The following CAMTA1 variants were observed in gnomAD, a reference collection of about 807,000 sequenced individuals.
CAMTA1 encodes calmodulin binding transcription activator 1.
In CAMTA1, 27 loss-of-function variants were observed where a neutral mutation model predicts 170.9. The ratio of observed to expected loss-of-function variants is 0.16; its 90% CI spans 0.12 to 0.22. The LOEUF (loss-of-function observed/expected upper bound fraction) is 0.22, where lower values mean the gene tolerates loss of function less well. Among genes scored for constraint, CAMTA1 ranks in the 10% least tolerant of loss-of-function variants. The probability of loss-of-function intolerance (pLI) is 1.00; values close to 1 mark genes in which losing one functional copy is unlikely to be tolerated. For missense variants in CAMTA1, 1,619 were observed against 2,217.2 expected, an observed-to-expected ratio of 0.73 and a Z score of 5.42; for synonymous variants, 833 against 891.5, an observed-to-expected ratio of 0.93 and a Z score of 1.17.
intron 4 of CAMTA1, among the ~76,000 whole-genome samples, chr1:7,145,541 G>C (rs1347558727): frequency 1.3e-5 from 2 of 152,194 alleles, no homozygotes; most frequent in Non-Finnish European, 2.9e-5. Context: ...GGGTGACTTG[G>C]GAATGAGCTG....
At chr1:6,960,109 T>C (rs536606801) in intron 3 of CAMTA1, among the ~76,000 whole-genome samples, 1 of 152,374 alleles carries the variant, frequency 6.6e-6, no homozygotes, top group South Asian at 2.1e-4. Context: ...TGACCTTGAC[T>C]GTTATTCTAT....
intron 3 of CAMTA1, among the ~76,000 whole-genome samples, chr1:7,083,330 C>G (rs1640279915): frequency 6.6e-6 from 1 of 152,202 alleles, no homozygotes; most frequent in African/African-American, 2.4e-5. Flanking sequence ...AGCTACGTTG[C>G]ATTCCATGCA....
chr1:7,139,609 T>A (rs1469830748), intron 4 of CAMTA1, among the ~76,000 whole-genome samples: 1 of 152,140 alleles, frequency 6.6e-6, no homozygotes, highest in Non-Finnish European at 1.5e-5. Flanking sequence ...CAGTTTTCCC[T>A]TTCCTCCTGT....
rs1186156414 is a variant in CAMTA1, at chr1:7,631,811, T to C, written c.511-8589T>C. Among the ~76,000 whole-genome samples the C allele has an allele frequency of 6.6e-5, 10 of 152,260 alleles. No individual in the cohort carries two copies. In the East Asian group the frequency reaches 1.9e-3, roughly 29 times the overall value. On this transcript the variant is annotated intron_variant, in intron 6 of 22. Transcript: ENST00000303635. ...CTGCCTCCTGGCTACCCTCAGTGGG[T>C]GACAGTGGGGATAGAACCCAAGCCT...
At chr1:7,182,106 G>C (rs781544511) in intron 4 of CAMTA1, among the ~76,000 whole-genome samples, 4 of 152,112 alleles carry the variant, frequency 2.6e-5, no homozygotes, top group Non-Finnish European at 5.9e-5. Flanking sequence ...AATCACTGGA[G>C]CAGAGATTAC....
At chr1:7,448,228 G>A (rs1031274300) in intron 5 of CAMTA1, among the ~76,000 whole-genome samples, 4 of 152,218 alleles carry the variant, frequency 2.6e-5, no homozygotes, top group African/African-American at 9.6e-5. Flanking sequence ...AGCAGGCATG[G>A]ACATGGAGTG....
rs191431408 is a variant in CAMTA1, at chr1:7,281,273, A to T, written c.438+31647A>T. 4.0e-3 allele frequency among the ~76,000 whole-genome samples: 606 copies of T among 152,338 alleles called. 11 individuals carry two copies. The highest frequency in any genetic ancestry group is 2.6e-3 in the Non-Finnish European group (175 of 68,032). On this transcript the variant is annotated intron_variant, in intron 5 of 22. Transcript: ENST00000303635. ...AAACCAATTCAAGAATCTCTTTGAA[A>T]TGTGGCCTTTTGGGTTTCAAGGTTG... is the stretch of plus-strand genomic sequence containing the variant.
intron 11 of CAMTA1, among the ~76,000 whole-genome samples, chr1:7,704,194 G>A (rs2096477409): frequency 6.7e-6 from 1 of 148,516 alleles, no homozygotes; most frequent in East Asian, 2.0e-4. Flanking sequence ...GCCGCGCAGG[G>A]AGCCCGAGCC....
At chr1:7,452,021 G>C (rs2092836789) in intron 5 of CAMTA1, among the ~76,000 whole-genome samples, 1 of 152,242 alleles carries the variant, frequency 6.6e-6, no homozygotes, top group South Asian at 2.1e-4. Context: ...CTGAGGTTTG[G>C]ACCTCAGGCT....
At chr1:7,600,491 C>CTTT (rs60909261) in intron 6 of CAMTA1, among the ~76,000 whole-genome samples, 7 of 143,058 alleles carry the variant, frequency 4.9e-5, no homozygotes, top group South Asian at 2.2e-4. Flanking sequence ...TTTTCTTTTT[C>CTTT]TTTTTTTTTT....
At chr1:6,824,991 C>CA in intron 2 of CAMTA1, 101 bp from the exon 3 acceptor site, 1 of 633,268 alleles carries the variant, frequency 1.6e-6, no homozygotes. Flanking sequence ...CTCTTGGTCT[C>CA]ACATTGACTA....
chr1:7,614,469 C>T (rs529700317), intron 6 of CAMTA1, among the ~76,000 whole-genome samples: 326 of 152,120 alleles, frequency 2.1e-3, no homozygotes, highest in Non-Finnish European at 3.4e-3. Context: ...ATATTTTGTA[C>T]GTAATGACAA....
intron 4 of CAMTA1, among the ~76,000 whole-genome samples, chr1:7,185,845 A>G (rs1259360594): frequency 1.3e-5 from 2 of 152,252 alleles, no homozygotes; most frequent in Non-Finnish European, 2.9e-5. Context: ...TGTCAAGGTC[A>G]TGGAAGAACT....
chr1:7,503,957 A>C (rs2094054003), intron 6 of CAMTA1, among the ~76,000 whole-genome samples: 1 of 152,172 alleles, frequency 6.6e-6, no homozygotes, highest in Non-Finnish European at 1.5e-5. Context: ...GAGGGGAGTC[A>C]GGAGCTGGGG....
chr1:6,807,141 G>C (rs1042948419), intron 1 of CAMTA1: 2 of 485,456 alleles, frequency 4.1e-6, no homozygotes, highest in African/African-American at 1.9e-5. Context: ...GTTGGGGGAG[G>C]CTTCTTGAGA....
chr1:6,935,707 G>GT (rs1685189400), intron 3 of CAMTA1, among the ~76,000 whole-genome samples: 2 of 152,206 alleles, frequency 1.3e-5, no homozygotes. Flanking sequence ...CTTTTCCGTG[G>GT]TTTTCTTGAG....
chr1:7,156,731 G>A (rs1003042619), intron 4 of CAMTA1, among the ~76,000 whole-genome samples: 10 of 152,126 alleles, frequency 6.6e-5, no homozygotes, highest in African/African-American at 1.9e-4. Context: ...TTTTGGGGAC[G>A]ACATTTAATT....
At position 7,202,602 on chromosome 1, in the gene CAMTA1, C is replaced by G. The variant is rs913152011; in HGVS notation, c.303-46889C>G. ...TTTTTGCAATGTAAGTTTTGGACTT[C>G]TTGTAATTATTCCCAAATAGTTTAT... On this transcript the variant is annotated intron_variant, in intron 4 of 22. Coordinates refer to ENST00000303635, the MANE Select transcript of CAMTA1 (RefSeq NM_015215.4). Among the ~76,000 whole-genome samples, 25 of 152,086 alleles carry G rather than the reference C, an allele frequency of 1.6e-4. 1 individual carries two copies. Among genetic ancestry groups the G allele is most frequent in the Non-Finnish European group, 2.9e-5 (2 of 67,978 alleles).
intron 3 of CAMTA1, among the ~76,000 whole-genome samples, chr1:6,923,771 G>A (rs1055620730): frequency 1.3e-5 from 2 of 152,178 alleles, no homozygotes; most frequent in Non-Finnish European, 2.9e-5. Flanking sequence ...TGTCAGGCAC[G>A]CCTCTAGAAA....
Sources: allele counts gnomAD v4.1 joint callset (sites outside exome capture counted in the v4.1 genomes callset), GRCh38; gene constraint gnomAD v4.1.1; transcripts MANE v1.5; gene names NCBI Gene and HGNC (gene_info 2026-07-23, HGNC 2026-07-21).